Variants in SLX4IP observed in about 807,000 individuals in gnomAD.
SLX4IP encodes the protein protein SLX4IP.
In SLX4IP, 34 loss-of-function variants were observed where a neutral mutation model predicts 32.9. That is an observed-to-expected ratio of 1.03 (90% CI 0.79 to 1.38). The LOEUF is 1.38. Among genes scored for constraint, SLX4IP ranks in the 40% most tolerant of loss-of-function variants. The pLI, the probability that SLX4IP is intolerant of heterozygous loss-of-function variation, is 0.00. For missense variants in SLX4IP, 444 were observed against 479.0 expected (o/e 0.93, Z 0.68); for synonymous variants, 172 against 171.7 (o/e 1.00, Z -0.01).
At chr20:10,621,504 G>A (rs1803034353) in intron 7 of SLX4IP, 90 bp downstream of exon 7, 3 of 1,158,110 alleles carry the variant, frequency 2.6e-6, no homozygotes, top group South Asian at 1.3e-5. Flanking sequence ...AGAGTGCCTG[G>A]AACTGAAGCA....
intron 2 of SLX4IP, among the ~76,000 whole-genome samples, chr20:10,501,743 G>T (rs2065720965): frequency 6.6e-6 from 1 of 152,172 alleles, no homozygotes; most frequent in African/African-American, 2.4e-5. Flanking sequence ...GCAGTCTGGT[G>T]GTGAAACAAG....
intron 1 of SLX4IP, among the ~76,000 whole-genome samples, chr20:10,455,928 G>A (rs956579086): frequency 6.6e-6 from 1 of 151,970 alleles, no homozygotes; most frequent in African/African-American, 2.4e-5. Context: ...CTGTTCTTAT[G>A]CTAGTATAGG....
intron 1 of SLX4IP, among the ~76,000 whole-genome samples, chr20:10,448,971 G>A (rs1268301259): frequency 2.6e-5 from 4 of 152,162 alleles, no homozygotes; most frequent in Non-Finnish European, 5.9e-5. Flanking sequence ...ACCCTCTAGT[G>A]TTAGGCATTG....
intron 2 of SLX4IP, among the ~76,000 whole-genome samples, chr20:10,516,891 A>G (rs572808732): frequency 3.9e-5 from 6 of 152,304 alleles, no homozygotes; most frequent in African/African-American, 1.4e-4. Context: ...TGGATTCCTA[A>G]GTCCAAATAT....
At chr20:10,577,446 A>G (rs995596111) in intron 4 of SLX4IP, among the ~76,000 whole-genome samples, 1 of 152,214 alleles carries the variant, frequency 6.6e-6, no homozygotes, top group East Asian at 1.9e-4. Flanking sequence ...GCCTGGCATG[A>G]TGGCTCACTC....
intron 1 of SLX4IP, among the ~76,000 whole-genome samples, chr20:10,455,579 T>TTTTATTTA (rs142542742): frequency 0.25 from 35,592 of 144,354 alleles, 4,954 homozygotes; most frequent in East Asian, 0.53. Flanking sequence ...CCTGTATGTC[T>TTTTATTTA]TTTATTTATT....
At chr20:10,477,108 G>A (rs1446446014) in intron 2 of SLX4IP, among the ~76,000 whole-genome samples, 1 of 152,142 alleles carries the variant, frequency 6.6e-6, no homozygotes, top group Admixed American at 6.5e-5. Flanking sequence ...GGTTTTTGGT[G>A]TCTTAGGTTC....
intron 2 of SLX4IP, among the ~76,000 whole-genome samples, chr20:10,533,319 T>C (rs1354796642): frequency 6.6e-6 from 1 of 152,154 alleles, no homozygotes; most frequent in Admixed American, 6.5e-5. Flanking sequence ...GTTGTTGTTC[T>C]TGAAACAGAG....
At chr20:10,491,732 A>T (rs904057868) in intron 2 of SLX4IP, among the ~76,000 whole-genome samples, 1 of 152,208 alleles carries the variant, frequency 6.6e-6, no homozygotes, top group African/African-American at 2.4e-5. Context: ...TAATTATTTC[A>T]AAAGAATTCA....
intron 4 of SLX4IP, among the ~76,000 whole-genome samples, chr20:10,579,453 A>G (rs2066558689): frequency 6.7e-6 from 1 of 150,048 alleles, no homozygotes; most frequent in Non-Finnish European, 1.5e-5. Context: ...TTTCAGACAG[A>G]GTCTCTCTCT....
intron 4 of SLX4IP, among the ~76,000 whole-genome samples, chr20:10,573,772 G>A (rs1398400902): frequency 6.6e-6 from 1 of 152,170 alleles, no homozygotes; most frequent in Non-Finnish European, 1.5e-5. Context: ...ATAAAGCACT[G>A]TGGAAACGTG....
At chr20:10,592,870 G>T (rs2066727689) in intron 4 of SLX4IP, among the ~76,000 whole-genome samples, 1 of 152,004 alleles carries the variant, frequency 6.6e-6, no homozygotes, top group Admixed American at 6.6e-5. Flanking sequence ...CTGACCTCGT[G>T]ATCTGCCCAC....
intron 4 of SLX4IP, among the ~76,000 whole-genome samples, chr20:10,577,953 C>T (rs777965560): frequency 6.6e-6 from 1 of 152,154 alleles, no homozygotes; most frequent in Non-Finnish European, 1.5e-5. Flanking sequence ...AAATCTCAGA[C>T]ATTTTCACTT....
intron 2 of SLX4IP, among the ~76,000 whole-genome samples, chr20:10,510,108 G>A (rs965878804): frequency 1.1e-4 from 16 of 152,160 alleles, no homozygotes; most frequent in Admixed American, 1.0e-3. Context: ...ATAATATTAA[G>A]TCAAACAGGC....
rs371898212 is a variant in SLX4IP, at chr20:10,601,741, A to G, written c.327A>G (p.Val109=). 20 of 1,613,926 alleles carry G rather than the reference A, an allele frequency of 1.2e-5. No homozygotes were observed. The African/African-American group carries it at 2.1e-4, about 17-fold the overall frequency. Residue 109 remains valine (V), a synonymous_variant, in exon 6 of 8, where the codon GTA becomes GTG. Coordinates refer to ENST00000334534, the MANE Select transcript of SLX4IP (RefSeq NM_001009608.3). ...CTTCATTTTATACAGAACTCTGTGT[A>G]TTCCCTGACAGATTTGTGGTTTGTG... ...IRSTQNAELC[V]FPDRFVVCVS...
chr20:10,531,733 TG>T (rs1382058449), intron 2 of SLX4IP, among the ~76,000 whole-genome samples: 1 of 151,980 alleles, frequency 6.6e-6, no homozygotes, highest in African/African-American at 2.4e-5. Context: ...TTAAATAGGA[TG>T]GTCAGAGAGA....
intron 4 of SLX4IP, among the ~76,000 whole-genome samples, chr20:10,589,556 G>A (rs1296277603): frequency 6.6e-6 from 1 of 152,172 alleles, no homozygotes; most frequent in Non-Finnish European, 1.5e-5. Context: ...AAGTGAGTCA[G>A]AAAGAGAGGT....
At position 10,626,208 on chromosome 20, in the gene SLX4IP, T is replaced by C. The variant is rs2067172020; in HGVS notation, c.*2829T>C. On this transcript the variant is annotated 3_prime_UTR_variant, in exon 8 of 8. Coordinates refer to ENST00000334534, the MANE Select transcript of SLX4IP (RefSeq NM_001009608.3). ...TTTTTGTATTTTTTTTTTTTTTTTTTTTTTTTTAGCAGAAACGGGTTTTCA... is the reference window on the plus strand; with the variant it reads ...TTTTTGTATTTTTTTTTTTTTTTTTCTTTTTTTAGCAGAAACGGGTTTTCA... 6.8e-6 allele frequency: 1 copy of C among 146,176 alleles called. No individual in the cohort carries two copies. Among genetic ancestry groups the C allele is most frequent in the East Asian group, 2.0e-4 (1 of 5,086 alleles). 9.1% of individuals were successfully genotyped at this position (146,176 alleles called of 1,614,324 possible).
At chr20:10,443,396 C>T (rs1215136384) in intron 1 of SLX4IP, among the ~76,000 whole-genome samples, 1 of 152,118 alleles carries the variant, frequency 6.6e-6, no homozygotes, top group Admixed American at 6.5e-5. Context: ...AGTTATAATT[C>T]AGTGGGCTAA....
Sources: allele counts gnomAD v4.1 joint callset (sites outside exome capture counted in the v4.1 genomes callset), GRCh38; gene constraint gnomAD v4.1.1; transcripts MANE v1.5; gene names NCBI Gene and HGNC (gene_info 2026-07-23, HGNC 2026-07-21).